HNRNPF: variants seen among roughly 807,000 people sequenced by gnomAD.
HNRNPF encodes the protein HnRNP F protein.
HNRNPF carries 2 observed loss-of-function variants against 26.0 expected under a neutral mutation model. The observed-to-expected ratio is 0.08, with a 90% confidence interval of 0.03 to 0.24. HNRNPF has a LOEUF of 0.24. Ranked by LOEUF, HNRNPF falls within the 10% of genes least tolerant of loss-of-function variation. HNRNPF has a pLI of 1.00. For synonymous variants in HNRNPF, 234 were observed against 211.5 expected (o/e 1.11, Z -0.92); for missense variants, 299 against 539.2 (o/e 0.55, Z 4.41).
chr10:43,408,923 C>G (rs368077000), intron 1 of HNRNPF: 28 of 152,462 alleles, frequency 1.8e-4, no homozygotes, highest in Middle Eastern at 3.4e-3. Flanking sequence ...GGCGCGCTGC[C>G]GGCCCCAATC....
chr10:43,392,106 T>C (rs1017992125), intron 3 of HNRNPF, among the ~76,000 whole-genome samples: 5 of 152,086 alleles, frequency 3.3e-5, no homozygotes, highest in Admixed American at 3.3e-4. Flanking sequence ...TAGCCGAGCA[T>C]AGTGGTGGAC....
At position 43,394,610 on chromosome 10, in the gene HNRNPF, CTCT is replaced by C. The variant is rs1838388365; in HGVS notation, c.-53+17_-53+19del. On this transcript the variant is annotated intron_variant, in intron 3 of 3. Coordinates refer to ENST00000682386, the MANE Select transcript of HNRNPF (RefSeq NM_001098204.2). Reference sequence around the variant, plus strand: ...TATAAATACTGCAGCTGAAAAGGGGCTCTTCTTAAAATAGCTTACCTTAAAAAC... The same window carrying C: ...TATAAATACTGCAGCTGAAAAGGGGCTCTTAAAATAGCTTACCTTAAAAAC... 1.3e-5 allele frequency: 2 copies of C among 152,042 alleles called. No individual in the cohort carries two copies. Among genetic ancestry groups the C allele is most frequent in the African/African-American group, 2.4e-5 (1 of 41,372 alleles). The allele number at this position is 152,042 out of a possible 1,614,324, so 9.4% of individuals were successfully genotyped here.
chr10:43,393,010 C>T (rs1461244142), intron 3 of HNRNPF, among the ~76,000 whole-genome samples: 1 of 152,186 alleles, frequency 6.6e-6, no homozygotes, highest in Non-Finnish European at 1.5e-5. Flanking sequence ...GACCTTCTCC[C>T]AAGCCCTCAA....
intron 1 of HNRNPF, among the ~76,000 whole-genome samples, chr10:43,401,069 G>A (rs1838740547): frequency 7.0e-6 from 1 of 142,368 alleles, no homozygotes; most frequent in Non-Finnish European, 1.5e-5. Context: ...GCGATAGAGC[G>A]AGACTCCGTC....
At chr10:43,403,991 C>T (rs915129060) in intron 1 of HNRNPF, among the ~76,000 whole-genome samples, 20 of 144,650 alleles carry the variant, frequency 1.4e-4, no homozygotes, top group African/African-American at 5.0e-4. Context: ...AACCCTTTCT[C>T]GAAAAAAAAA....
intron 1 of HNRNPF, among the ~76,000 whole-genome samples, chr10:43,400,191 A>G (rs576696973): frequency 6.6e-6 from 1 of 152,310 alleles, no homozygotes; most frequent in South Asian, 2.1e-4. Flanking sequence ...TCTATATAGG[A>G]AAAAGATAAA....
At chr10:43,398,226 G>A (rs1440947003) in intron 1 of HNRNPF, among the ~76,000 whole-genome samples, 5 of 151,994 alleles carry the variant, frequency 3.3e-5, no homozygotes, top group Non-Finnish European at 7.4e-5. Flanking sequence ...TGGTTTCACC[G>A]TGTTGGCTAG....
At chr10:43,391,846 T>A (rs1021381496) in intron 3 of HNRNPF, among the ~76,000 whole-genome samples, 1 of 152,198 alleles carries the variant, frequency 6.6e-6, no homozygotes, top group Non-Finnish European at 1.5e-5. Context: ...CCCAATCATG[T>A]CATACCTCCC....
chr10:43,393,626 T>A (rs1838342394), intron 3 of HNRNPF, among the ~76,000 whole-genome samples: 2 of 151,554 alleles, frequency 1.3e-5, no homozygotes, highest in South Asian at 2.1e-4. Context: ...CCAAGCACAG[T>A]GGCTAGGCCT....
chr10:43,386,466 T>C lies in HNRNPF; in HGVS notation c.*171A>G. The C allele has an allele frequency of 1.6e-6, 1 of 615,896 alleles. No homozygotes were observed. Among genetic ancestry groups the C allele is most frequent in the Non-Finnish European group, 2.8e-6 (1 of 362,222 alleles). The allele number at this position is 615,896 out of a possible 1,614,324, so 38.2% of individuals were successfully genotyped here. Reference sequence around the variant, plus strand: ...TTTTAGTTTACTCATTATCACATGCTAGAAGAAAATTTTGCATGAGAAAAC... The same window carrying C: ...TTTTAGTTTACTCATTATCACATGCCAGAAGAAAATTTTGCATGAGAAAAC... On this transcript the variant is annotated 3_prime_UTR_variant, in exon 4 of 4. Transcript: ENST00000682386.
intron 1 of HNRNPF, among the ~76,000 whole-genome samples, chr10:43,401,353 A>G (rs1458521988): frequency 2.0e-5 from 3 of 152,206 alleles, no homozygotes; most frequent in African/African-American, 7.2e-5. Flanking sequence ...TGTTAGATAA[A>G]TTTTATCTAT....
chr10:43,408,200 C>G (rs1458348375), intron 1 of HNRNPF, among the ~76,000 whole-genome samples: 2 of 152,182 alleles, frequency 1.3e-5, no homozygotes, highest in Admixed American at 6.5e-5. Context: ...CAGGCCTGTT[C>G]TCACTTTCAG....
chr10:43,404,493 C>A (rs1838851140), intron 1 of HNRNPF, among the ~76,000 whole-genome samples: 1 of 152,068 alleles, frequency 6.6e-6, no homozygotes, highest in South Asian at 2.1e-4. Context: ...AAGATACCAA[C>A]CAATATGTGC....
At position 43,386,609 on chromosome 10, in the gene HNRNPF, T is replaced by G. The variant is rs1274731018; in HGVS notation, c.*28A>C. 18 of 1,508,862 alleles carry G rather than the reference T, an allele frequency of 1.2e-5. No individual in the cohort carries two copies. The highest frequency in any genetic ancestry group is 2.3e-5 in the East Asian group (1 of 43,964). 93.5% of individuals were successfully genotyped at this position (1,508,862 alleles called of 1,614,324 possible). On this transcript the variant is annotated 3_prime_UTR_variant, in exon 4 of 4. Transcript: ENST00000682386. Reference sequence around the variant, plus strand: ...CTTGTTGGCTGCCTGTGAAAATGATTGAAGTAACTCAAATGTTCCTAACAA... The same window carrying G: ...CTTGTTGGCTGCCTGTGAAAATGATGGAAGTAACTCAAATGTTCCTAACAA...
intron 3 of HNRNPF, among the ~76,000 whole-genome samples, chr10:43,390,583 TCTC>T (rs1249107942): frequency 6.6e-6 from 1 of 152,148 alleles, no homozygotes; most frequent in Non-Finnish European, 1.5e-5. Context: ...AGCCTCTTTC[TCTC>T]CTCATTCTTC....
At chr10:43,403,340 G>C (rs1297606030) in intron 1 of HNRNPF, among the ~76,000 whole-genome samples, 1 of 152,118 alleles carries the variant, frequency 6.6e-6, no homozygotes, top group Non-Finnish European at 1.5e-5. Flanking sequence ...CTTTTTCCTA[G>C]CCCCAGCCCA....
rs368234263 is a variant in HNRNPF, at chr10:43,408,315, G to A, written c.-247+816C>T. ...TGACTCCAAAATCTCAGCCCGCGGT[G>A]CTCACCGCGTGGGACCACTGTCTGG... On this transcript the variant is annotated intron_variant, in intron 1 of 3. Coordinates refer to ENST00000682386, the MANE Select transcript of HNRNPF (RefSeq NM_001098204.2). Among the ~76,000 whole-genome samples, 241 of 152,242 alleles carry A rather than the reference G, an allele frequency of 1.6e-3. 1 individual carries two copies. The highest frequency in any genetic ancestry group is 5.3e-3 in the African/African-American group (222 of 41,546).
intron 1 of HNRNPF, among the ~76,000 whole-genome samples, chr10:43,399,087 A>T (rs1419281346): frequency 2.6e-5 from 4 of 152,158 alleles, no homozygotes; most frequent in Non-Finnish European, 5.9e-5. Flanking sequence ...GTTGTCCACA[A>T]AGTAGTAGGT....
intron 3 of HNRNPF, 54 bp downstream of exon 3, chr10:43,394,576 T>C (rs999307508): frequency 3.9e-5 from 6 of 152,082 alleles, no homozygotes; most frequent in African/African-American, 1.4e-4. Context: ...CAAATTTGAG[T>C]ATAACAAATA....
Sources: allele counts gnomAD v4.1 joint callset (sites outside exome capture counted in the v4.1 genomes callset), GRCh38; gene constraint gnomAD v4.1.1; transcripts MANE v1.5; gene names NCBI Gene and HGNC (gene_info 2026-07-23, HGNC 2026-07-21).